Variants in ABCB9 observed in about 807,000 individuals in gnomAD.
The protein encoded by ABCB9 is ATP binding cassette subfamily B member 9, also known as ABC-type oligopeptide transporter ABCB9.
A neutral mutation model predicts 62.0 loss-of-function variants in ABCB9; 36 were observed. The observed-to-expected ratio is 0.58, with a 90% CI of 0.45 to 0.77. ABCB9 has a LOEUF of 0.77. Among genes scored for constraint, ABCB9 ranks in the 30% least tolerant of loss-of-function variants. ABCB9 has a pLI of 0.00. For missense variants in ABCB9, 943 were observed against 1,054.7 expected (o/e 0.89, Z 1.47); for synonymous variants, 435 against 461.4 (o/e 0.94, Z 0.73).
chr12:122,942,214 A>G (rs915788135), intron 7 of ABCB9, among the ~76,000 whole-genome samples: 6 of 152,018 alleles, frequency 3.9e-5, no homozygotes, highest in Admixed American at 6.6e-5. Context: ...GAATGTCCTC[A>G]TTGGTGATAA....
chr12:122,967,522 CAG>C (rs2037212952), upstream of ABCB9, among the ~76,000 whole-genome samples: 1 of 152,154 alleles, frequency 6.6e-6, no homozygotes, highest in African/African-American at 2.4e-5. Context: ...TTTCCTGAGA[CAG>C]AGACTCCAGG....
rs2035022014 is a variant in ABCB9 at position 122,929,426 on chromosome 12, CG to C, written c.*484del. 1 of 987,216 alleles carries C rather than the reference CG, an allele frequency of 1.0e-6. No homozygotes were observed. The highest frequency in any genetic ancestry group is 1.7e-5 in the African/African-American group (1 of 57,386). 61.2% of individuals were successfully genotyped at this position (987,216 alleles called of 1,614,324 possible). ...AAATCCCGTTCCCCGTGTCTCCCTC[CG>C]GGACAGGGAAGCCCCTTCTCTGGAG... On this transcript the variant is annotated 3_prime_UTR_variant, in exon 12 of 12. Coordinates refer to ENST00000280560, the MANE Select transcript of ABCB9 (RefSeq NM_019625.4). This position sits in a 1 kb window ranked among gnomAD's most constrained non-coding sequence, Gnocchi z 6.0.
At position 122,950,594 on chromosome 12, in the gene ABCB9, G is replaced by A. The variant is rs750558883; in HGVS notation, c.602-29C>T. ...GGGGAGGCAGGGCAGCCTCAGGGAC[G>A]TCTGCAGCCAGGGGAACCCGCACCC... On this transcript the variant is annotated intron_variant, in intron 2 of 11. Transcript: ENST00000280560. 62 of 1,580,258 alleles carry A rather than the reference G, an allele frequency of 3.9e-5. No individual in the cohort carries two copies. In the Admixed American group the frequency reaches 5.6e-4, roughly 14 times the overall value.
intron 7 of ABCB9, among the ~76,000 whole-genome samples, chr12:122,941,734 A>AT (rs965609678): frequency 4.7e-5 from 7 of 149,992 alleles, no homozygotes; most frequent in African/African-American, 1.7e-4. Flanking sequence ...TTCTCTATTT[A>AT]TTTTTTTTGA....
chr12:122,946,241 C>G lies in ABCB9; in HGVS notation c.1054-19G>C. ...AGAGCCTCTATGGACAGGAGGGGGA[C>G]AAGAAGGAGAAGACCCCAAAACAGC... is the stretch of plus-strand genomic sequence containing the variant. On this transcript the variant is annotated intron_variant, in intron 5 of 11. Transcript: ENST00000280560. 2 of 1,613,824 alleles carry G rather than the reference C, an allele frequency of 1.2e-6. No individual in the cohort carries two copies. The highest frequency in any genetic ancestry group is 1.7e-6 in the Non-Finnish European group (2 of 1,179,960).
chr12:122,938,451 G>C (rs1255954829), intron 9 of ABCB9, among the ~76,000 whole-genome samples: 1 of 152,160 alleles, frequency 6.6e-6, no homozygotes, highest in African/African-American at 2.4e-5. Context: ...AGGATGACTT[G>C]AGCACAGGAC....
chr12:122,959,665 CGGCCACGAGGAA>C lies in ABCB9; in HGVS notation c.559_570del (p.Phe187_Ala190del), dbSNP rs2036785651. Reference sequence around the variant, plus strand: ...GCTGCCACGATGAGGAAGAAGGAGGCGGCCACGAGGAAGGCCACGTCGGGCTTGGTGTAGGAG... The same window carrying C: ...GCTGCCACGATGAGGAAGAAGGAGGCGGCCACGTCGGGCTTGGTGTAGGAG... On this transcript the variant is annotated inframe_deletion, in exon 2 of 12. Coordinates refer to ENST00000280560, the MANE Select transcript of ABCB9 (RefSeq NM_019625.4). This position sits in a 1 kb window ranked among gnomAD's most constrained non-coding sequence, Gnocchi z 5.4. 1.3e-6 allele frequency: 2 copies of C among 1,572,986 alleles called. No individual in the cohort carries two copies. The highest frequency in any genetic ancestry group is 2.3e-5 in the South Asian group (2 of 86,920).
chr12:122,925,771 C>T (rs927474266), downstream of ABCB9, among the ~76,000 whole-genome samples: 3 of 152,002 alleles, frequency 2.0e-5, no homozygotes, highest in African/African-American at 4.8e-5. Context: ...AACAACAAAA[C>T]ATGAATGTTC....
chr12:122,955,108 T>C (rs905785507), intron 2 of ABCB9, among the ~76,000 whole-genome samples: 2 of 152,178 alleles, frequency 1.3e-5, no homozygotes, highest in Admixed American at 1.3e-4. Flanking sequence ...TAACACTGAT[T>C]AAGTATTTAC....
intron 2 of ABCB9, chr12:122,951,008 A>ATT (rs1178686841): frequency 0.044 from 5,449 of 123,728 alleles, 409 homozygotes; most frequent in African/African-American, 0.13. Flanking sequence ...TGCCAGGCTA[A>ATT]TTTTTTTTTT....
At chr12:122,957,019 C>T (rs1450059076) in intron 2 of ABCB9, among the ~76,000 whole-genome samples, 1 of 151,782 alleles carries the variant, frequency 6.6e-6, no homozygotes, top group Non-Finnish European at 1.5e-5. Flanking sequence ...AAGCCAAGCT[C>T]TGTACTTAGT....
rs1358414145 is a variant in ABCB9 at position 122,947,526 on chromosome 12, C to T, written c.1053+1098G>A. ...CATCCAAGCCCCTGCTCTAGAAGTA[C>T]CCCACGTGGGCCTGGGTGACTGTGA... On this transcript the variant is annotated intron_variant, in intron 5 of 11. Transcript: ENST00000280560. The surrounding 1 kb of genome is among the most constrained non-coding windows in gnomAD (Gnocchi z 6.0). 2.2e-6 allele frequency: 1 copy of T among 450,992 alleles called. No homozygotes were observed. Among genetic ancestry groups the T allele is most frequent in the Non-Finnish European group, 4.5e-6 (1 of 223,518 alleles). 27.9% of individuals were successfully genotyped at this position (450,992 alleles called of 1,614,324 possible).
In ABCB9 at chr12:122,964,937, C is replaced by T. The variant is rs1191968339; in HGVS notation, c.-88+1350G>A. Among the ~76,000 whole-genome samples, 1 of 152,194 alleles carries T rather than the reference C, an allele frequency of 6.6e-6. No individual in the cohort carries two copies. Among genetic ancestry groups the T allele is most frequent in the East Asian group, 1.9e-4 (1 of 5,196 alleles). ...TTGGGGTATCTCTAGGCATCAGCTGCAGAGAAGGCCAGAAGACGATAGATA... is the reference window on the plus strand; with the variant it reads ...TTGGGGTATCTCTAGGCATCAGCTGTAGAGAAGGCCAGAAGACGATAGATA... On this transcript the variant is annotated intron_variant, in intron 1 of 11. Transcript: ENST00000280560. The surrounding 1 kb of genome is among the most constrained non-coding windows in gnomAD (Gnocchi z 4.7).
At chr12:122,927,082 T>C (rs2034926869), downstream of ABCB9, among the ~76,000 whole-genome samples, 1 of 152,332 alleles carries the variant, frequency 6.6e-6, no homozygotes, top group Non-Finnish European at 1.5e-5. Context: ...ACTGTGGGAT[T>C]TTAAGAGAAG....
rs2036819497 is a variant in ABCB9, at chr12:122,960,172, T to G, written c.64A>C (p.Thr22Pro). ...AFMSVDICVT[T>P]AIYVFSHLDR... ...AGGTGGCTGAAGACATAGATGGCCG[T>G]GGTCACGCAGATGTCCACACTCATG... The change falls in exon 2 of 12, where the codon ACG (threonine) becomes CCG (proline). Residue 22 changes from threonine (T) to proline (P), a missense_variant. Coordinates refer to ENST00000280560, the MANE Select transcript of ABCB9 (RefSeq NM_019625.4). 6.2e-7 allele frequency: 1 copy of G among 1,613,622 alleles called. No homozygotes were observed. Among genetic ancestry groups the G allele is most frequent in the Non-Finnish European group, 8.5e-7 (1 of 1,180,018 alleles).
rs867978677 is a variant in ABCB9, at chr12:122,932,283, C to A, written c.1949G>T (p.Arg650Leu). 38 of 1,551,252 alleles carry A rather than the reference C, an allele frequency of 2.4e-5. No homozygotes were observed. The highest frequency in any genetic ancestry group is 3.2e-5 in the Non-Finnish European group (37 of 1,147,102). Residue 650 changes from arginine (R) to leucine (L), a missense_variant, in exon 11 of 12, where the codon CGG (arginine) becomes CTG (leucine). Transcript: ENST00000280560. This position sits in a 1 kb window ranked among gnomAD's most constrained non-coding sequence, Gnocchi z 4.7. Reference protein sequence around the residue: ...GAQLSGGQKQRVAMARALVRN... With the variant: ...GAQLSGGQKQLVAMARALVRN... ...CACCAGAGCCCGGGCCATGGCCACC[C>A]GCTGCTTCTGGCCACCTGACAGCTG...
At chr12:122,936,674 G>A (rs2035473187) in intron 9 of ABCB9, among the ~76,000 whole-genome samples, 1 of 152,116 alleles carries the variant, frequency 6.6e-6, no homozygotes, top group South Asian at 2.1e-4. Context: ...GGAGGCCGAG[G>A]TGGGCGGATC....
At chr12:122,941,122 T>C (rs2035743046) in intron 7 of ABCB9, 127 bp from the exon 8 acceptor site, 5 of 979,678 alleles carry the variant, frequency 5.1e-6, no homozygotes, top group Non-Finnish European at 4.4e-6. Flanking sequence ...GGAGGCCACC[T>C]GACCACCCAC....
At chr12:122,966,262 G>A (rs1220277380) in intron 1 of ABCB9, 25 bp downstream of exon 1, 1 of 152,312 alleles carries the variant, frequency 6.6e-6, no homozygotes, top group Non-Finnish European at 1.5e-5. Context: ...CCCAAAACCA[G>A]GGGTCTAGGG....
Sources: gnomAD v4.1 joint callset for allele counts (sites outside exome capture counted in the v4.1 genomes callset) on GRCh38, gnomAD v4.1.1 for gene constraint, Gnocchi (gnomAD v3.1) non-coding constraint, MANE v1.5 for transcripts, NCBI Gene and HGNC (gene_info 2026-07-23, HGNC 2026-07-21) for gene names.